Variants in RAB3GAP1 observed in about 807,000 individuals in gnomAD.
RAB3GAP1 encodes the protein rab3 GTPase-activating protein catalytic subunit.
A neutral mutation model predicts 130.7 loss-of-function variants in RAB3GAP1; 86 were observed. That is an observed-to-expected ratio of 0.66 (90% CI 0.55 to 0.79). The LOEUF is 0.79. RAB3GAP1 is among the 30% of genes least tolerant of loss of function. RAB3GAP1 has a pLI of 0.00. For missense variants in RAB3GAP1, 1,029 were observed against 1,169.4 expected, an observed-to-expected ratio of 0.88 and a Z score of 1.75; for synonymous variants, 367 against 401.7, an observed-to-expected ratio of 0.91 and a Z score of 1.03.
At chr2:135,126,276 C>G (rs374447439) in intron 10 of RAB3GAP1, 27 bp downstream of exon 10, 1 of 1,553,744 alleles carries the variant, frequency 6.4e-7, no homozygotes, top group African/African-American at 1.4e-5. Context: ...TAGTAGTACA[C>G]TGAGATTAAA....
At chr2:135,106,138 TGGG>T in intron 5 of RAB3GAP1, among the ~76,000 whole-genome samples, 1 of 148,078 alleles carries the variant, frequency 6.8e-6, no homozygotes, top group East Asian at 2.0e-4. Flanking sequence ...GTCCAGGAGG[TGGG>T]GGGTGCCTCC....
At chr2:135,155,606 A>G (rs1187611315) in intron 19 of RAB3GAP1, among the ~76,000 whole-genome samples, 3 of 152,204 alleles carry the variant, frequency 2.0e-5, no homozygotes, top group Non-Finnish European at 4.4e-5. Context: ...AGTGGAATAC[A>G]AACTTTCTAT....
chr2:135,137,126 GAT>G (rs1179681518), intron 17 of RAB3GAP1: 1 of 313,894 alleles, frequency 3.2e-6, no homozygotes, highest in African/African-American at 2.2e-5. Flanking sequence ...CTGTGGAAGA[GAT>G]AGTTAAACAG....
chr2:135,111,746 G>C (rs1690806424), intron 5 of RAB3GAP1, among the ~76,000 whole-genome samples: 1 of 152,146 alleles, frequency 6.6e-6, no homozygotes, highest in Middle Eastern at 3.2e-3. Flanking sequence ...AATGGTCCTT[G>C]TGATTTCAGC....
intron 17 of RAB3GAP1, among the ~76,000 whole-genome samples, chr2:135,148,936 C>T (rs1253919697): frequency 6.6e-6 from 1 of 152,128 alleles, no homozygotes; most frequent in Non-Finnish European, 1.5e-5. Context: ...ACCTCATTTT[C>T]ATCACTTGCA....
intron 17 of RAB3GAP1, among the ~76,000 whole-genome samples, chr2:135,142,529 T>C (rs1405232155): frequency 2.0e-5 from 3 of 152,158 alleles, no homozygotes; most frequent in Non-Finnish European, 4.4e-5. Flanking sequence ...TCTTATCTTA[T>C]TGCAGTGGCT....
At chr2:135,092,409 CTG>C (rs1015656695) in intron 4 of RAB3GAP1, among the ~76,000 whole-genome samples, 9 of 152,154 alleles carry the variant, frequency 5.9e-5, no homozygotes, top group African/African-American at 9.7e-5. Flanking sequence ...ATAAAGGAGA[CTG>C]TGGTACAATG....
At chr2:135,107,296 T>G (rs1035777918) in intron 5 of RAB3GAP1, among the ~76,000 whole-genome samples, 1 of 152,108 alleles carries the variant, frequency 6.6e-6, no homozygotes, top group African/African-American at 2.4e-5. Context: ...AATACTCTAG[T>G]AAATACAATA....
chr2:135,117,627 T>G (rs1181820311), intron 7 of RAB3GAP1, among the ~76,000 whole-genome samples: 22 of 150,424 alleles, frequency 1.5e-4, no homozygotes, highest in African/African-American at 5.5e-4. Flanking sequence ...TTCTGCTTCT[T>G]CTGCTTCTGC....
intron 18 of RAB3GAP1, 65 bp from the exon 19 acceptor site, chr2:135,153,584 A>G: frequency 6.8e-7 from 1 of 1,478,008 alleles, no homozygotes; most frequent in Admixed American, 1.7e-5. Context: ...ACAATTTTGC[A>G]AACAGGCTTA....
At chr2:135,074,996 C>G (rs1276543303) in intron 3 of RAB3GAP1, among the ~76,000 whole-genome samples, 1 of 152,158 alleles carries the variant, frequency 6.6e-6, no homozygotes, top group East Asian at 1.9e-4. Context: ...CCTGGGACCC[C>G]TTCCTTGTTG....
At chr2:135,052,756 A>T (rs1688916404) in intron 2 of RAB3GAP1, among the ~76,000 whole-genome samples, 1 of 152,112 alleles carries the variant, frequency 6.6e-6, no homozygotes, top group South Asian at 2.1e-4. Context: ...CGCTTCCCTT[A>T]GACTTTGGTT....
At chr2:135,117,678 G>GCTTCTTCTTCTGCTTCTT (rs201471272) in intron 7 of RAB3GAP1, among the ~76,000 whole-genome samples, 4 of 98,438 alleles carry the variant, frequency 4.1e-5, no homozygotes, top group East Asian at 3.2e-4. Flanking sequence ...TGCTTCTTCT[G>GCTTCTTCTTCTGCTTCTT]CTTCTGCTTC....
In RAB3GAP1 at chr2:135,168,832, T is replaced by C; in HGVS notation, c.*51T>C. ...CTTCAGAGACAGTGCTGCCTCCTCC[T>C]GAGGGAGGGAAGGTACCAGGGAGAA... On this transcript the variant is annotated 3_prime_UTR_variant, in exon 24 of 24. Coordinates refer to ENST00000264158, the MANE Select transcript of RAB3GAP1 (RefSeq NM_012233.3). The C allele has an allele frequency of 1.3e-6, 2 of 1,503,930 alleles. No homozygotes were observed. The highest frequency in any genetic ancestry group is 1.1e-5 in the South Asian group (1 of 88,722). The allele number at this position is 1,503,930 out of a possible 1,614,324, so 93.2% of individuals were successfully genotyped here. A position where few individuals can be genotyped will look rare whatever the true frequency, so the allele number is the denominator to read the frequency against.
chr2:135,164,720 C>G, intron 23 of RAB3GAP1, 24 bp downstream of exon 23: 1 of 1,543,572 alleles, frequency 6.5e-7, no homozygotes, highest in Non-Finnish European at 8.9e-7. Flanking sequence ...ATTATTGACT[C>G]CATCATAATC....
chr2:135,079,947 C>A (rs1689742648), intron 3 of RAB3GAP1, among the ~76,000 whole-genome samples: 1 of 151,914 alleles, frequency 6.6e-6, no homozygotes, highest in South Asian at 2.1e-4. Flanking sequence ...GAAACCCTGT[C>A]TCTACTAAAA....
At chr2:135,152,188 G>A (rs1317264111) in intron 18 of RAB3GAP1, among the ~76,000 whole-genome samples, 1 of 152,238 alleles carries the variant, frequency 6.6e-6, no homozygotes, top group Admixed American at 6.5e-5. Context: ...GCTCTTGAGA[G>A]TCCCCAGAGC....
intron 5 of RAB3GAP1, 120 bp downstream of exon 5, chr2:135,093,813 AT>A: frequency 1.2e-6 from 1 of 851,784 alleles, no homozygotes; most frequent in Non-Finnish European, 2.0e-6. Context: ...ATTGCAGCTG[AT>A]TTATTGCAGA....
intron 5 of RAB3GAP1, among the ~76,000 whole-genome samples, chr2:135,103,035 ATTTTTT>A (rs539310402): frequency 2.2e-5 from 2 of 90,912 alleles, no homozygotes; most frequent in African/African-American, 5.5e-5. Flanking sequence ...CATTTTTGTG[ATTTTTT>A]TTTTTTTTTT....
Sources: gnomAD v4.1 joint callset for allele counts (sites outside exome capture counted in the v4.1 genomes callset) on GRCh38, gnomAD v4.1.1 for gene constraint, MANE v1.5 for transcripts, NCBI Gene and HGNC (gene_info 2026-07-23, HGNC 2026-07-21) for gene names.